The following ELK3 variants were observed in gnomAD, a reference collection of about 807,000 sequenced individuals.
ELK3 encodes the protein ETS transcription factor ELK3.
Under a neutral mutation model 28.9 loss-of-function variants are expected in ELK3, and 10 were observed. The ratio of observed to expected loss-of-function variants is 0.35; its 90% CI spans 0.21 to 0.59. The LOEUF (loss-of-function observed/expected upper bound fraction) is 0.59, where lower values mean the gene tolerates loss of function less well. Among genes scored for constraint, ELK3 ranks in the 20% least tolerant of loss-of-function variants. ELK3 has a pLI of 0.82. For synonymous variants in ELK3, 272 were observed against 243.5 expected, an observed-to-expected ratio of 1.12 and a Z score of -1.09; for missense variants, 463 against 517.3, an observed-to-expected ratio of 0.90 and a Z score of 1.02.
At position 96,223,623 on chromosome 12, in the gene ELK3, A is replaced by T. The variant is rs1951678507; in HGVS notation, c.57A>T (p.Lys19Asn). ...QFLLQLLLDQ[K>N]HEHLICWTSN... ...TGTTGCAGTTGCTGCTGGATCAGAA[A>T]CATGAGCATTTGATCTGCTGGACCT... Residue 19 changes from lysine to asparagine, a missense_variant, in exon 2 of 5, where the codon AAA (lysine) becomes AAT (asparagine). This residue lies in a region of ELK3 where 55 missense variants were observed against 102.5 expected (regional missense o/e 0.54). Transcript: ENST00000228741. The T allele has an allele frequency of 6.2e-7, 1 of 1,614,094 alleles. No individual in the cohort carries two copies. Among genetic ancestry groups the T allele is most frequent in the Admixed American group, 1.7e-5 (1 of 60,010 alleles).
chr12:96,264,561 T>C (rs567667444), intron 4 of ELK3, among the ~76,000 whole-genome samples: 1 of 152,140 alleles, frequency 6.6e-6, no homozygotes, highest in South Asian at 2.1e-4. Flanking sequence ...CATGGGTGGA[T>C]CACTTGAGCC....
At chr12:96,221,107 A>G (rs553007643) in intron 1 of ELK3, among the ~76,000 whole-genome samples, 3 of 152,226 alleles carry the variant, frequency 2.0e-5, no homozygotes, top group African/African-American at 4.8e-5. Context: ...CAAAGCCCCA[A>G]TGTCAGCACT....
At chr12:96,264,825 T>A (rs992444333) in intron 4 of ELK3, among the ~76,000 whole-genome samples, 11 of 152,204 alleles carry the variant, frequency 7.2e-5, no homozygotes, top group Non-Finnish European at 1.5e-4. Flanking sequence ...CATTTATTGA[T>A]GATTGATGAC....
At chr12:96,220,644 A>G (rs957465788) in intron 1 of ELK3, among the ~76,000 whole-genome samples, 1 of 152,034 alleles carries the variant, frequency 6.6e-6, no homozygotes, top group Admixed American at 6.6e-5. Flanking sequence ...CACCTGCCTC[A>G]GCCTCCCAAA....
chr12:96,257,200 G>A (rs1215790712), intron 3 of ELK3, among the ~76,000 whole-genome samples: 1 of 152,192 alleles, frequency 6.6e-6, no homozygotes, highest in African/African-American at 2.4e-5. Flanking sequence ...GTCTCACACT[G>A]TCCCGGAGAT....
At chr12:96,213,138 T>G (rs566151927) in intron 1 of ELK3, among the ~76,000 whole-genome samples, 23 of 152,322 alleles carry the variant, frequency 1.5e-4, no homozygotes, top group African/African-American at 5.3e-4. Flanking sequence ...CATAGAAACC[T>G]TGTTGAAGGT....
intron 1 of ELK3, among the ~76,000 whole-genome samples, chr12:96,219,819 C>T (rs958833945): frequency 4.6e-5 from 7 of 152,128 alleles, no homozygotes; most frequent in African/African-American, 1.7e-4. Flanking sequence ...TGTCTGGCTG[C>T]GATTTCCACC....
At chr12:96,235,170 C>A (rs945942358) in intron 2 of ELK3, among the ~76,000 whole-genome samples, 11 of 151,962 alleles carry the variant, frequency 7.2e-5, no homozygotes, top group African/African-American at 2.7e-4. Flanking sequence ...CACCATCTCA[C>A]CCCAACCCAA....
intron 2 of ELK3, among the ~76,000 whole-genome samples, chr12:96,240,503 C>T (rs1951813397): frequency 6.6e-6 from 1 of 152,180 alleles, no homozygotes; most frequent in Non-Finnish European, 1.5e-5. Flanking sequence ...AGGCATTGAA[C>T]TCAGGCAGTG....
chr12:96,242,626 C>T (rs960258147), intron 2 of ELK3, among the ~76,000 whole-genome samples: 4 of 152,164 alleles, frequency 2.6e-5, no homozygotes, highest in Admixed American at 6.5e-5. Flanking sequence ...CAGGGACACA[C>T]GTCCTCTGAG....
At chr12:96,231,119 TC>T (rs1355790590) in intron 2 of ELK3, among the ~76,000 whole-genome samples, 2 of 152,168 alleles carry the variant, frequency 1.3e-5, no homozygotes, top group South Asian at 2.1e-4. Flanking sequence ...ATTTTACACT[TC>T]CTCTCTGTCA....
At chr12:96,243,798 A>C (rs1951837748) in intron 2 of ELK3, among the ~76,000 whole-genome samples, 1 of 151,266 alleles carries the variant, frequency 6.6e-6, no homozygotes. Flanking sequence ...AGCCGAGATC[A>C]CACCACTGCA....
intron 2 of ELK3, among the ~76,000 whole-genome samples, chr12:96,224,920 C>T (rs1166328020): frequency 1.3e-5 from 2 of 152,166 alleles, no homozygotes; most frequent in African/African-American, 4.8e-5. Context: ...AAGGATTATA[C>T]GTTTCAGGAA....
rs1458720258 is a variant in ELK3, at chr12:96,251,944, AC to A, written c.1002+4211del. On this transcript the variant is annotated intron_variant, in intron 3 of 4. Coordinates refer to ENST00000228741, the MANE Select transcript of ELK3 (RefSeq NM_005230.4). The stretch of plus-strand genomic sequence containing the variant: ...TCATTGATGAAGGTGGCTACGTCAA[AC>A]AGCTTCACTGTAGGTGAAACGGCCT... Among the ~76,000 whole-genome samples, 7 of 152,250 alleles carry A rather than the reference AC, an allele frequency of 4.6e-5. No homozygotes were observed. The East Asian group carries it at 7.7e-4, about 17-fold the overall frequency.
At chr12:96,227,606 CGG>C (rs2137017974) in intron 2 of ELK3, among the ~76,000 whole-genome samples, 1 of 149,600 alleles carries the variant, frequency 6.7e-6, no homozygotes, top group African/African-American at 2.5e-5. Flanking sequence ...TGTGCCCATG[CGG>C]TCAGAAAGGC....
intron 2 of ELK3, among the ~76,000 whole-genome samples, chr12:96,234,277 T>G (rs1159558936): frequency 6.6e-6 from 1 of 152,178 alleles, no homozygotes. Context: ...CCGTCAACAC[T>G]GTGTTGATGA....
intron 1 of ELK3, chr12:96,212,788 G>A (rs187222591): frequency 1.3e-5 from 2 of 152,274 alleles, no homozygotes; most frequent in African/African-American, 2.4e-5. Flanking sequence ...TGTGGCTACC[G>A]GTGAGCCACG....
At chr12:96,215,181 G>GC (rs1352417913) in intron 1 of ELK3, among the ~76,000 whole-genome samples, 7 of 149,250 alleles carry the variant, frequency 4.7e-5, no homozygotes, top group African/African-American at 1.7e-4. Context: ...AGCTAATTCT[G>GC]CCCCCTCAAC....
chr12:96,259,764 C>T lies in ELK3; in HGVS notation c.1036C>T (p.Leu346=), dbSNP rs754537468. ...PNGLLLTPSP[L]LSSIHFWSSL... is the part of the protein sequence containing the mutation. ...TGGATTGCTTCTGACTCCGAGTCCA[C>T]TGCTCTCCAGCATACATTTCTGGAG... The change falls in exon 4 of 5, where the codon CTG becomes TTG. Residue 346 remains leucine, a synonymous_variant. Coordinates refer to ENST00000228741, the MANE Select transcript of ELK3 (RefSeq NM_005230.4). The T allele has an allele frequency of 2.5e-6, 4 of 1,610,908 alleles. No individual in the cohort carries two copies. Among genetic ancestry groups the T allele is most frequent in the African/African-American group, 1.3e-5 (1 of 74,904 alleles).
Sources: allele counts gnomAD v4.1 joint callset (sites outside exome capture counted in the v4.1 genomes callset), GRCh38; gene constraint gnomAD v4.1.1; regional missense constraint gnomAD v4.1.1; transcripts MANE v1.5; gene names NCBI Gene and HGNC (gene_info 2026-07-23, HGNC 2026-07-21).